SBF2: variants seen among roughly 807,000 people sequenced by gnomAD.
The protein encoded by SBF2 is SET binding factor 2, also known as myotubularin-related protein 13.
Under a neutral mutation model 225.2 loss-of-function variants are expected in SBF2, and 112 were observed. The observed-to-expected ratio is 0.50, with a 90% CI of 0.43 to 0.58. The LOEUF (loss-of-function observed/expected upper bound fraction) is 0.58. Among genes scored for constraint, SBF2 ranks in the 20% least tolerant of loss-of-function variants. The probability of loss-of-function intolerance (pLI) is 0.00; values close to 1 mark genes in which losing one functional copy is unlikely to be tolerated. For missense variants in SBF2, 1,996 were observed against 2,206.2 expected (o/e 0.90, Z 1.91); for synonymous variants, 763 against 773.3 (o/e 0.99, Z 0.22).
intron 2 of SBF2, among the ~76,000 whole-genome samples, chr11:10,058,289 A>T (rs1175936671): frequency 6.6e-6 from 1 of 152,236 alleles, no homozygotes; most frequent in Non-Finnish European, 1.5e-5. Context: ...ATGGGAGCCA[A>T]AGGACAAAAT....
At position 9,995,052 on chromosome 11, in the gene SBF2, AAT is replaced by A. The variant is rs1491334119; in HGVS notation, c.976-1056_976-1055del. Among the ~76,000 whole-genome samples the A allele has an allele frequency of 4.4e-3, 657 of 150,494 alleles. 1 individual carries two copies. Among genetic ancestry groups the A allele is most frequent in the African/African-American group, 0.014 (558 of 41,196 alleles). ...CAAGACTCTGTCTCAAAAAAAAAAA[AAT>A]AAAAATTACTGAGGAGACAGAAAAT... On this transcript the variant is annotated intron_variant, in intron 9 of 39. Coordinates refer to ENST00000256190, the MANE Select transcript of SBF2 (RefSeq NM_030962.4).
intron 13 of SBF2, among the ~76,000 whole-genome samples, chr11:9,971,888 A>G (rs973030567): frequency 1.3e-5 from 2 of 152,230 alleles, no homozygotes; most frequent in Non-Finnish European, 2.9e-5. Context: ...TTAATAATTA[A>G]TACAGTACAA....
chr11:9,852,176 T>C lies in SBF2; in HGVS notation c.2610+500A>G, dbSNP rs553662177. Among the ~76,000 whole-genome samples, 60 of 152,344 alleles carry C rather than the reference T, an allele frequency of 3.9e-4. No individual in the cohort carries two copies. In the South Asian group the frequency reaches 5.2e-3, roughly 13 times the overall value. ...ACTACAAAGTAATCATCTGAGAGCC[T>C]TGTTAAAATACAGATTCCCAGACAT... On this transcript the variant is annotated intron_variant, in intron 21 of 39. Coordinates refer to ENST00000256190, the MANE Select transcript of SBF2 (RefSeq NM_030962.4).
At chr11:10,300,106 C>T (rs1224813447) in intron 1 of SBF2, among the ~76,000 whole-genome samples, 8 of 152,118 alleles carry the variant, frequency 5.3e-5, no homozygotes, top group African/African-American at 2.4e-5. Context: ...TCCTCCATTT[C>T]GAATATTAGA....
At chr11:9,867,167 G>A (rs1858292893) in intron 17 of SBF2, among the ~76,000 whole-genome samples, 1 of 152,114 alleles carries the variant, frequency 6.6e-6, no homozygotes, top group Admixed American at 6.5e-5. Context: ...AAATGCTTGT[G>A]GGGATGGATA....
chr11:10,090,764 CAAAAA>C (rs201577494), intron 2 of SBF2, among the ~76,000 whole-genome samples: 8 of 44,430 alleles, frequency 1.8e-4, no homozygotes, highest in Admixed American at 2.5e-4. Context: ...GATTCCATCT[CAAAAA>C]AAAAAAAAAA....
At chr11:9,906,405 G>A in intron 16 of SBF2, among the ~76,000 whole-genome samples, 1 of 152,122 alleles carries the variant, frequency 6.6e-6, no homozygotes, top group East Asian at 1.9e-4. Flanking sequence ...AAACAATGGG[G>A]AATTTCAATC....
At chr11:10,022,267 T>A (rs1446888931) in intron 6 of SBF2, among the ~76,000 whole-genome samples, 1 of 152,168 alleles carries the variant, frequency 6.6e-6, no homozygotes, top group East Asian at 1.9e-4. Context: ...TAGGATAGAA[T>A]TTCTGTAACG....
rs149980974 is a variant in SBF2 at position 10,250,547 on chromosome 11, A to G, written c.55+43468T>C. Reference sequence around the variant, plus strand: ...TTGGTTCCATATTTCTGGGAAGACAATCAAACCTTCAGATACATTTGGCTA... The same window carrying G: ...TTGGTTCCATATTTCTGGGAAGACAGTCAAACCTTCAGATACATTTGGCTA... On this transcript the variant is annotated intron_variant, in intron 1 of 39. Coordinates refer to ENST00000256190, the MANE Select transcript of SBF2 (RefSeq NM_030962.4). Among the ~76,000 whole-genome samples the G allele has an allele frequency of 1.9e-3, 285 of 152,342 alleles. 1 individual carries two copies. The highest frequency in any genetic ancestry group is 6.3e-3 in the African/African-American group (263 of 41,584).
chr11:10,109,018 C>T (rs1952711082), intron 2 of SBF2, among the ~76,000 whole-genome samples: 1 of 152,032 alleles, frequency 6.6e-6, no homozygotes, highest in East Asian at 1.9e-4. Context: ...GAGTAGGAAC[C>T]TCCAAAGGCT....
At chr11:10,144,429 A>C (rs1439307521) in intron 2 of SBF2, among the ~76,000 whole-genome samples, 1 of 152,218 alleles carries the variant, frequency 6.6e-6, no homozygotes, top group Non-Finnish European at 1.5e-5. Context: ...TGGAGGTTAC[A>C]GTGAGCCAAG....
chr11:10,272,527 C>A (rs147119667), intron 1 of SBF2, among the ~76,000 whole-genome samples: 1 of 152,216 alleles, frequency 6.6e-6, no homozygotes, highest in Non-Finnish European at 1.5e-5. Flanking sequence ...CACTGGCTTA[C>A]GCCTGTAATC....
intron 2 of SBF2, among the ~76,000 whole-genome samples, chr11:10,062,838 G>A (rs936485678): frequency 4.6e-5 from 7 of 152,242 alleles, no homozygotes; most frequent in African/African-American, 1.7e-4. Flanking sequence ...TCGTTACTGA[G>A]TATATACCCA....
At chr11:9,959,497 T>A in intron 16 of SBF2, 1 of 841,148 alleles carries the variant, frequency 1.2e-6, no homozygotes, top group Non-Finnish European at 2.1e-6. Flanking sequence ...AGGCTTTCGA[T>A]TGCACTTGAA....
At chr11:10,301,219 T>C (rs541559943) in intron 1 of SBF2, among the ~76,000 whole-genome samples, 15 of 152,354 alleles carry the variant, frequency 9.8e-5, no homozygotes, top group African/African-American at 3.6e-4. Flanking sequence ...TTTTTTATTC[T>C]GTGTCAGGGT....
intron 16 of SBF2, among the ~76,000 whole-genome samples, chr11:9,949,431 G>C (rs937414833): frequency 6.6e-6 from 1 of 151,920 alleles, no homozygotes; most frequent in Non-Finnish European, 1.5e-5. Flanking sequence ...TAACTACAAG[G>C]GTTGCTGTAG....
chr11:10,290,829 T>C (rs1437052789), intron 1 of SBF2, among the ~76,000 whole-genome samples: 2 of 152,190 alleles, frequency 1.3e-5, no homozygotes, highest in Non-Finnish European at 2.9e-5. Context: ...TACATACCTA[T>C]ACTTACCAGC....
At chr11:10,285,620 A>T (rs1963707316) in intron 1 of SBF2, among the ~76,000 whole-genome samples, 1 of 152,228 alleles carries the variant, frequency 6.6e-6, no homozygotes, top group East Asian at 1.9e-4. Context: ...CTTCATTTAC[A>T]TAAGGCATAC....
In SBF2 at chr11:10,149,986, A is replaced by G. The variant is rs75871214; in HGVS notation, c.141+43916T>C. On this transcript the variant is annotated intron_variant, in intron 2 of 39. Transcript: ENST00000256190. The stretch of plus-strand genomic sequence containing the variant: ...CGTCATGCTCATTATTTTCATCCAC[A>G]TTCTACTCTCGAGAGCTAGTATCAT... 4.4e-3 allele frequency among the ~76,000 whole-genome samples: 669 copies of G among 152,236 alleles called. 7 individuals are homozygous for G. Among genetic ancestry groups the G allele is most frequent in the African/African-American group, 0.015 (638 of 41,546 alleles).
Sources: allele counts gnomAD v4.1 joint callset (sites outside exome capture counted in the v4.1 genomes callset), GRCh38; gene constraint gnomAD v4.1.1; transcripts MANE v1.5; gene names NCBI Gene and HGNC (gene_info 2026-07-23, HGNC 2026-07-21).